DENND2C: variants seen among roughly 807,000 people sequenced by gnomAD.
The protein encoded by DENND2C is DENN domain containing 2C.
A neutral mutation model predicts 112.4 loss-of-function variants in DENND2C; 72 were observed. The observed-to-expected ratio is 0.64, with a 90% CI of 0.53 to 0.78. DENND2C has a LOEUF of 0.78. DENND2C is among the 30% of genes least tolerant of loss of function. DENND2C has a pLI of 0.00. For synonymous variants in DENND2C, 329 were observed against 381.6 expected (o/e 0.86, Z 1.61); for missense variants, 992 against 1,113.8 (o/e 0.89, Z 1.56).
At chr1:114,662,843 C>T (rs572380897) in intron 1 of DENND2C, among the ~76,000 whole-genome samples, 7 of 152,056 alleles carry the variant, frequency 4.6e-5, no homozygotes, top group South Asian at 4.2e-4. Flanking sequence ...ACCTGTAATG[C>T]GAGCTAACTG....
rs1044755101 is a variant in DENND2C at position 114,595,751 on chromosome 1, T to C, written c.2325+81A>G. Reference sequence around the variant, plus strand: ...TTTTGCCTGAGTCATATTCTCTAAGTACTTTCACATATTGTCTGTCCAATT... The same window carrying C: ...TTTTGCCTGAGTCATATTCTCTAAGCACTTTCACATATTGTCTGTCCAATT... On this transcript the variant is annotated intron_variant, in intron 17 of 20. Transcript: ENST00000393274. 4.7e-6 allele frequency: 6 copies of C among 1,278,574 alleles called. No homozygotes were observed. In the African/African-American group the frequency reaches 8.8e-5, roughly 19 times the overall value. The allele number at this position is 1,278,574 out of a possible 1,614,324, so 79.2% of individuals were successfully genotyped here.
intron 17 of DENND2C, among the ~76,000 whole-genome samples, chr1:114,595,158 T>C (rs1557938960): frequency 6.6e-6 from 1 of 152,236 alleles, no homozygotes; most frequent in South Asian, 2.1e-4. Context: ...GTCTTACTCA[T>C]TTTTACATTC....
At chr1:114,606,438 A>G (rs1404393892) in intron 10 of DENND2C, among the ~76,000 whole-genome samples, 1 of 152,182 alleles carries the variant, frequency 6.6e-6, no homozygotes, top group Non-Finnish European at 1.5e-5. Context: ...TTAGTGAAAC[A>G]TGTAACTCAG....
In DENND2C at chr1:114,585,476, C is replaced by T; in HGVS notation, c.*124G>A. The T allele has an allele frequency of 1.0e-6, 1 of 1,003,940 alleles. No homozygotes were observed. The allele number at this position is 1,003,940 out of a possible 1,614,324, so 62.2% of individuals were successfully genotyped here. A position where few individuals can be genotyped will look rare whatever the true frequency, so the allele number is the denominator to read the frequency against. On this transcript the variant is annotated 3_prime_UTR_variant, in exon 21 of 21. Coordinates refer to ENST00000393274, the MANE Select transcript of DENND2C (RefSeq NM_001256404.2). The stretch of plus-strand genomic sequence containing the variant: ...GGAGAATCCTCCTCTAACAGCCTGA[C>T]TCGCTCTTTAACCTTTTAAAATTTC...
At chr1:114,612,343 A>C (rs1248057367) in intron 8 of DENND2C, among the ~76,000 whole-genome samples, 1 of 145,636 alleles carries the variant, frequency 6.9e-6, no homozygotes, top group Non-Finnish European at 1.5e-5. Context: ...ATTTGGCAGC[A>C]GTTATAAATT....
At chr1:114,635,026 TAAAAAAAAAAA>T (rs374636363) in intron 3 of DENND2C, among the ~76,000 whole-genome samples, 1 of 94,716 alleles carries the variant, frequency 1.1e-5, no homozygotes, top group Non-Finnish European at 2.0e-5. Context: ...AGACTCCGTC[TAAAAAAAAAAA>T]AAAAAAAGAA....
intron 3 of DENND2C, among the ~76,000 whole-genome samples, chr1:114,643,368 C>T (rs967343194): frequency 6.6e-6 from 1 of 152,108 alleles, no homozygotes; most frequent in Non-Finnish European, 1.5e-5. Context: ...AGCCTCAATA[C>T]ATTTTTAATA....
At chr1:114,635,197 T>C (rs1570793821) in intron 3 of DENND2C, among the ~76,000 whole-genome samples, 1 of 152,154 alleles carries the variant, frequency 6.6e-6, no homozygotes, top group Non-Finnish European at 1.5e-5. Flanking sequence ...TTTTCAACAT[T>C]GTGGTCTTCA....
intron 1 of DENND2C, among the ~76,000 whole-genome samples, chr1:114,655,905 G>GTATATATATATA (rs1657303622): frequency 1.2e-5 from 1 of 81,982 alleles, no homozygotes; most frequent in East Asian, 3.8e-4. Flanking sequence ...TATATAATAT[G>GTATATATATATA]TATGTCAGTC....
chr1:114,623,538 C>T lies in DENND2C; in HGVS notation c.912G>A (p.Gln304=), dbSNP rs1365489429. Residue 304 remains glutamine (Q), a synonymous_variant, in exon 5 of 21, where the codon CAG becomes CAA. Coordinates refer to ENST00000393274, the MANE Select transcript of DENND2C (RefSeq NM_001256404.2). Reference sequence around the variant, plus strand: ...TATCTTCATAGATATTGTCCTCAGACTGTGTGTAATAAAGTGCTGACCCAG... The same window carrying T: ...TATCTTCATAGATATTGTCCTCAGATTGTGTGTAATAAAGTGCTGACCCAG... ...RNSGSALYYT[Q]SEDNIYEDII... is the part of the protein sequence containing the mutation. 3 of 1,609,724 alleles carry T rather than the reference C, an allele frequency of 1.9e-6. No individual in the cohort carries two copies. Among genetic ancestry groups the T allele is most frequent in the South Asian group, 1.1e-5 (1 of 90,134 alleles).
Position 114,587,338 on chromosome 1 carries a change from C to T in DENND2C, c.2755+49G>A, listed in dbSNP as rs200603627. ...CTGGAATTACAGGCATGAGCCACCG[C>T]GCCTGGTCTTCAGCCACATTTATCT... On this transcript the variant is annotated intron_variant, in intron 20 of 20. Transcript: ENST00000393274. The T allele has an allele frequency of 8.2e-5, 131 of 1,599,980 alleles. 1 individual carries two copies. Among genetic ancestry groups the T allele is most frequent in the East Asian group, 3.6e-4 (16 of 44,788 alleles).
At chr1:114,641,272 AAAAAAGAAAAG>A (rs899745457) in intron 3 of DENND2C, among the ~76,000 whole-genome samples, 2 of 151,888 alleles carry the variant, frequency 1.3e-5, no homozygotes, top group Non-Finnish European at 2.9e-5. Flanking sequence ...AAAAAAAAAA[AAAAAAGAAAAG>A]AAAAAGAAAA....
intron 1 of DENND2C, among the ~76,000 whole-genome samples, chr1:114,660,982 G>A (rs545804925): frequency 1.3e-5 from 2 of 151,782 alleles, no homozygotes; most frequent in East Asian, 1.9e-4. Context: ...ATGGTGGCTC[G>A]CACCTGTAAT....
rs771617046 is a variant in DENND2C, at chr1:114,625,433, T to C, written c.552A>G (p.Ser184=). ...KELNFRVLDS[S]YGITKSLENI... ...TTTCTAAGCTCTTGGTTATTCCGTA[T>C]GAACTATCCAGAACTCTGAAGTTCA... is the stretch of plus-strand genomic sequence containing the variant. The change falls in exon 4 of 21, where the codon TCA becomes TCG. Residue 184 remains serine, a synonymous_variant. Transcript: ENST00000393274. 4.9e-5 allele frequency: 79 copies of C among 1,614,090 alleles called. No homozygotes were observed. Among genetic ancestry groups the C allele is most frequent in the Non-Finnish European group, 6.4e-5 (76 of 1,180,032 alleles).
chr1:114,649,414 C>T (rs116067663), intron 2 of DENND2C, among the ~76,000 whole-genome samples: 4,010 of 152,162 alleles, frequency 0.026, 95 homozygotes, highest in Non-Finnish European at 0.034. Context: ...ATCGGTCTCA[C>T]TCTGTTGCCC....
At chr1:114,597,244 G>A (rs1035861465) in intron 16 of DENND2C, among the ~76,000 whole-genome samples, 6 of 151,950 alleles carry the variant, frequency 3.9e-5, no homozygotes, top group African/African-American at 1.5e-4. Flanking sequence ...AGGAGTTCAA[G>A]ACCAGCCTGG....
chr1:114,613,315 G>T (rs970361288), intron 8 of DENND2C, among the ~76,000 whole-genome samples: 5 of 152,132 alleles, frequency 3.3e-5, no homozygotes, highest in Admixed American at 2.6e-4. Context: ...ATGTATTTGC[G>T]TGCACATGAA....
At chr1:114,629,329 G>A (rs756716437) in intron 3 of DENND2C, among the ~76,000 whole-genome samples, 26 of 152,174 alleles carry the variant, frequency 1.7e-4, no homozygotes, top group Non-Finnish European at 3.4e-4. Flanking sequence ...CCAGGCTGGA[G>A]TGCAATGGTG....
At position 114,600,372 on chromosome 1, in the gene DENND2C, A is replaced by G. The variant is rs1346757778; in HGVS notation, c.1957-20T>C. On this transcript the variant is annotated intron_variant, in intron 14 of 20. Transcript: ENST00000393274. ...AATGGACTGAAATGCAAGAAGTTGAATCAGGTGAGCTAATGTTGGAAAACA... is the reference window on the plus strand; with the variant it reads ...AATGGACTGAAATGCAAGAAGTTGAGTCAGGTGAGCTAATGTTGGAAAACA... 5 of 1,613,634 alleles carry G rather than the reference A, an allele frequency of 3.1e-6. No homozygotes were observed. Among genetic ancestry groups the G allele is most frequent in the Non-Finnish European group, 4.2e-6 (5 of 1,179,670 alleles).
Sources: gnomAD v4.1 joint callset for allele counts (sites outside exome capture counted in the v4.1 genomes callset) on GRCh38, gnomAD v4.1.1 for gene constraint, MANE v1.5 for transcripts, NCBI Gene and HGNC (gene_info 2026-07-23, HGNC 2026-07-21) for gene names.